Variants in CCDC60 observed in about 807,000 individuals in gnomAD.
CCDC60 encodes coiled-coil domain-containing protein 60.
In CCDC60, 54 loss-of-function variants were observed where a neutral mutation model predicts 63.5. The observed-to-expected ratio is 0.85, with a 90% CI of 0.68 to 1.07. The LOEUF is 1.07. CCDC60 is among the 50% of genes least tolerant of loss of function. The pLI is 0.00. For synonymous variants in CCDC60, 206 were observed against 238.8 expected, an observed-to-expected ratio of 0.86 and a Z score of 1.27; for missense variants, 651 against 684.3, an observed-to-expected ratio of 0.95 and a Z score of 0.54.
At chr12:119,349,136 C>A (rs948224695) in intron 1 of CCDC60, among the ~76,000 whole-genome samples, 1 of 152,060 alleles carries the variant, frequency 6.6e-6, no homozygotes, top group Non-Finnish European at 1.5e-5. Context: ...TGCTGTATTT[C>A]TCAACAAGGT....
chr12:119,516,432 C>A (rs1038489456), intron 7 of CCDC60, among the ~76,000 whole-genome samples, 191 bp from the exon 8 acceptor site: 2 of 152,184 alleles, frequency 1.3e-5, no homozygotes, highest in Admixed American at 6.5e-5. Flanking sequence ...TAAGCAGGGG[C>A]GTGGCATGGT....
intron 1 of CCDC60, among the ~76,000 whole-genome samples, chr12:119,339,359 AGTGT>A (rs1377291353): frequency 6.6e-6 from 1 of 152,208 alleles, no homozygotes; most frequent in African/African-American, 2.4e-5. Context: ...TCTGTCTCTT[AGTGT>A]CTGAACTTTC....
chr12:119,428,347 A>C (rs1956936370), intron 1 of CCDC60, among the ~76,000 whole-genome samples: 1 of 152,234 alleles, frequency 6.6e-6, no homozygotes, highest in African/African-American at 2.4e-5. Flanking sequence ...CAATTAATTT[A>C]ATCCTCAGAA....
chr12:119,464,975 G>C (rs1057103226), intron 2 of CCDC60, among the ~76,000 whole-genome samples: 1 of 152,232 alleles, frequency 6.6e-6, no homozygotes, highest in Non-Finnish European at 1.5e-5. Flanking sequence ...CTGATTCCAA[G>C]TGTTTGAATA....
At chr12:119,371,180 G>T (rs1305292943) in intron 1 of CCDC60, among the ~76,000 whole-genome samples, 1 of 152,080 alleles carries the variant, frequency 6.6e-6, no homozygotes, top group East Asian at 1.9e-4. Context: ...CCATCACTGG[G>T]GACTTGATTC....
At chr12:119,535,426 C>T (rs1322569741) in intron 13 of CCDC60, among the ~76,000 whole-genome samples, 1 of 152,142 alleles carries the variant, frequency 6.6e-6, no homozygotes, top group Non-Finnish European at 1.5e-5. Context: ...CAGTTCTGCT[C>T]TAATCTTAGT....
chr12:119,460,082 C>T (rs1451517944), intron 2 of CCDC60, among the ~76,000 whole-genome samples: 1 of 127,608 alleles, frequency 7.8e-6, no homozygotes, highest in African/African-American at 3.1e-5. Context: ...GATAGCATCA[C>T]CTGAAGTAGG....
At chr12:119,416,997 T>A (rs1473217978) in intron 1 of CCDC60, among the ~76,000 whole-genome samples, 1 of 152,180 alleles carries the variant, frequency 6.6e-6, no homozygotes, top group Non-Finnish European at 1.5e-5. Flanking sequence ...GGCACATGCC[T>A]GTAATCCTAG....
rs115505024 is a variant in CCDC60, at chr12:119,461,884, T to G, written c.171-10110T>G. Among the ~76,000 whole-genome samples, 187 of 152,350 alleles carry G rather than the reference T, an allele frequency of 1.2e-3. 2 individuals carry two copies. Among genetic ancestry groups the G allele is most frequent in the African/African-American group, 4.4e-3 (183 of 41,578 alleles). On this transcript the variant is annotated intron_variant, in intron 2 of 13. Coordinates refer to ENST00000327554, the MANE Select transcript of CCDC60 (RefSeq NM_178499.5). ...GAACACACGGAATTAAATGAGAATTTGCTAAAATATTAAGCGTTTTTAAAT... is the reference window on the plus strand; with the variant it reads ...GAACACACGGAATTAAATGAGAATTGGCTAAAATATTAAGCGTTTTTAAAT...
chr12:119,388,056 G>A (rs1320693394), intron 1 of CCDC60: 1 of 152,176 alleles, frequency 6.6e-6, no homozygotes, highest in Non-Finnish European at 1.5e-5. Context: ...GCACAAAGGT[G>A]GTTAATTCAT....
chr12:119,421,294 T>C (rs75506436), intron 1 of CCDC60, among the ~76,000 whole-genome samples: 1 of 152,218 alleles, frequency 6.6e-6, no homozygotes, highest in African/African-American at 2.4e-5. Context: ...TTCTTTATGA[T>C]GAAATCTAAC....
intron 1 of CCDC60, among the ~76,000 whole-genome samples, chr12:119,422,046 C>T (rs757936916): frequency 3.9e-5 from 6 of 152,244 alleles, no homozygotes; most frequent in South Asian, 2.1e-4. Context: ...GTGTTTCTGA[C>T]GATCTTGCTC....
intron 1 of CCDC60, among the ~76,000 whole-genome samples, chr12:119,348,896 T>C (rs758827127): frequency 2.9e-4 from 44 of 152,214 alleles, no homozygotes; most frequent in Admixed American, 1.3e-4. Flanking sequence ...AATAAGTAAA[T>C]GGTACATTAT....
chr12:119,477,923 CAGAGAGAGAGAGGAG>C (rs947461563), intron 3 of CCDC60, among the ~76,000 whole-genome samples: 1 of 151,428 alleles, frequency 6.6e-6, no homozygotes, highest in Non-Finnish European at 1.5e-5. Context: ...CACACACTCA[CAGAGAGAGAGAGGAG>C]AGAGAGAGAG....
chr12:119,514,846 TATG>T (rs1952313410), intron 7 of CCDC60, among the ~76,000 whole-genome samples: 1 of 152,206 alleles, frequency 6.6e-6, no homozygotes, highest in South Asian at 2.1e-4. Context: ...AAGCTCCATT[TATG>T]ATAAGTACCC....
At chr12:119,359,077 A>C (rs1306082517) in intron 1 of CCDC60, among the ~76,000 whole-genome samples, 1 of 152,228 alleles carries the variant, frequency 6.6e-6, no homozygotes, top group Non-Finnish European at 1.5e-5. Context: ...GGAAATTTCC[A>C]GTTGCTCCAC....
chr12:119,340,046 A>G (rs1418678542), intron 1 of CCDC60, among the ~76,000 whole-genome samples: 1 of 152,224 alleles, frequency 6.6e-6, no homozygotes, highest in African/African-American at 2.4e-5. Context: ...ATCACGTTTT[A>G]TCTAATCCAA....
At chr12:119,371,339 C>A (rs914524523) in intron 1 of CCDC60, among the ~76,000 whole-genome samples, 1 of 152,162 alleles carries the variant, frequency 6.6e-6, no homozygotes, top group Non-Finnish European at 1.5e-5. Context: ...GGGCTTAAAG[C>A]CAGAAAACTT....
At chr12:119,509,102 C>G (rs576104707) in intron 7 of CCDC60, among the ~76,000 whole-genome samples, 1 of 152,186 alleles carries the variant, frequency 6.6e-6, no homozygotes, top group Non-Finnish European at 1.5e-5. Flanking sequence ...CTCACCTGCT[C>G]TGATCAGTGC....
Sources: allele counts gnomAD v4.1 joint callset (sites outside exome capture counted in the v4.1 genomes callset), GRCh38; gene constraint gnomAD v4.1.1; transcripts MANE v1.5; gene names NCBI Gene and HGNC (gene_info 2026-07-23, HGNC 2026-07-21).